Variants in EPX observed in about 807,000 individuals in gnomAD.
EPX encodes eosinophil peroxidase.
EPX carries 60 observed loss-of-function variants against 73.0 expected under a neutral mutation model. That is an observed-to-expected ratio of 0.82 (90% confidence interval 0.67 to 1.02). EPX has a LOEUF of 1.02. Ranked by LOEUF, EPX falls within the 50% of genes least tolerant of loss-of-function variation. The probability of loss-of-function intolerance (pLI) is 0.00; values close to 1 mark genes in which losing one functional copy is unlikely to be tolerated. For missense variants in EPX, 950 were observed against 973.9 expected (o/e 0.98, Z 0.33); for synonymous variants, 347 against 389.2 (o/e 0.89, Z 1.28).
chr17:58,193,603 C>A, intron 3 of EPX, 57 bp downstream of exon 3: 4 of 1,588,910 alleles, frequency 2.5e-6, no homozygotes, highest in Non-Finnish European at 3.5e-6. Context: ...TAGAAGGAAT[C>A]CAGGAGAGGG....
chr17:58,202,296 C>A (rs34209988), intron 10 of EPX: 2 of 152,448 alleles, frequency 1.3e-5, no homozygotes, highest in East Asian at 1.9e-4. Context: ...ATTGTCACAT[C>A]TTATGATGTG....
At position 58,196,935 on chromosome 17, in the gene EPX, T is replaced by C; in HGVS notation, c.802-4T>C. On this transcript the variant is annotated splice_region_variant and splice_polypyrimidine_tract_variant and intron_variant, in intron 6 of 12. Transcript: ENST00000225371. ...CCATGTCACTGTCTCCTCTTCCATCTCAGATCCCACCCAATGACCCCCGCA... is the reference window on the plus strand; with the variant it reads ...CCATGTCACTGTCTCCTCTTCCATCCCAGATCCCACCCAATGACCCCCGCA... 6.2e-7 allele frequency: 1 copy of C among 1,613,172 alleles called. No individual in the cohort carries two copies. Among genetic ancestry groups the C allele is most frequent in the Non-Finnish European group, 8.5e-7 (1 of 1,179,808 alleles).
In EPX at chr17:58,195,071, C is replaced by A; in HGVS notation, c.702C>A (p.Asp234Glu). 6.8e-6 allele frequency: 11 copies of A among 1,613,574 alleles called. No homozygotes were observed. Among genetic ancestry groups the A allele is most frequent in the Non-Finnish European group, 9.3e-6 (11 of 1,179,442 alleles). Residue 234 changes from aspartate to glutamate, a missense_variant, in exon 6 of 13, where the codon GAC becomes GAA. Coordinates refer to ENST00000225371, the MANE Select transcript of EPX (RefSeq NM_000502.6). ...AGTGGGGCCAGTTCATTGACCATGACCTGGACTTCTCCCCGGAGTCCCCGG... is the reference window on the plus strand; with the variant it reads ...AGTGGGGCCAGTTCATTGACCATGAACTGGACTTCTCCCCGGAGTCCCCGG... The part of the protein sequence containing the change: ...FMQWGQFIDH[D>E]LDFSPESPAR...
chr17:58,199,315 G>C, intron 8 of EPX, 115 bp downstream of exon 8: 1 of 1,229,288 alleles, frequency 8.1e-7, no homozygotes, highest in South Asian at 1.3e-5. Flanking sequence ...AACTGGCGGA[G>C]CACCTGGACC....
At chr17:58,204,683 A>G in intron 12 of EPX, 53 bp from the exon 13 acceptor site, 2 of 518,400 alleles carry the variant, frequency 3.9e-6, no homozygotes, top group South Asian at 4.5e-5. Flanking sequence ...AAACAGCTCC[A>G]TTTCTAAACA....
At position 58,203,256 on chromosome 17, in the gene EPX, A is replaced by G; in HGVS notation, c.1884A>G (p.Arg628=). 2 of 1,614,172 alleles carry G rather than the reference A, an allele frequency of 1.2e-6. No individual in the cohort carries two copies. The highest frequency in any genetic ancestry group is 1.7e-6 in the Non-Finnish European group (2 of 1,180,024). ...CTGAGCCTCTTTTGCCGGGGGCTCGAGTGGGGCCTCTTCTGGCTTGTCTGT... is the reference window on the plus strand; with the variant it reads ...CTGAGCCTCTTTTGCCGGGGGCTCGGGTGGGGCCTCTTCTGGCTTGTCTGT... ...AIAEPLLPGA[R]VGPLLACLFE... is the part of the protein sequence containing the mutation. Residue 628 remains arginine (R), a synonymous_variant, in exon 11 of 13, where the codon CGA becomes CGG. Coordinates refer to ENST00000225371, the MANE Select transcript of EPX (RefSeq NM_000502.6).
rs747951509 is a variant in EPX, at chr17:58,199,076, C to T, written c.1157C>T (p.Ala386Val). Residue 386 changes from alanine to valine, a missense_variant, in exon 8 of 13, where the codon GCC becomes GTC. Transcript: ENST00000225371. ...TCAACGGAAACCCCCAAACTGGCAG[C>T]CATGCACACCCTCTTTATGCGAGAG... ...TRSTETPKLA[A>V]MHTLFMREHN... is the part of the protein sequence containing the mutation. 1 of 1,614,086 alleles carries T rather than the reference C, an allele frequency of 6.2e-7. No individual in the cohort carries two copies. Among genetic ancestry groups the T allele is most frequent in the Non-Finnish European group, 8.5e-7 (1 of 1,180,000 alleles).
In EPX at chr17:58,197,245, T is replaced by G; in HGVS notation, c.1108T>G (p.Cys370Gly). The G allele has an allele frequency of 6.2e-7, 1 of 1,611,992 alleles. No individual in the cohort carries two copies. The highest frequency in any genetic ancestry group is 8.5e-7 in the Non-Finnish European group (1 of 1,180,026). ...CACCAACCGCTCGGCGCGCATCCCC[T>G]GCTTCCTGGCAGGTCAGACAGGGAG... ...LLTNRSARIP[C>G]FLAGDTRSTE... Residue 370 changes from cysteine (C) to glycine (G), a missense_variant, in exon 7 of 13, where the codon TGC becomes GGC. By Grantham distance (159) the Cys-to-Gly change is radical. Coordinates refer to ENST00000225371, the MANE Select transcript of EPX (RefSeq NM_000502.6).
rs568416110 is a variant in EPX, at chr17:58,203,442, C to T, written c.1946+124C>T. ...ATCATTTCTTCCAAGTTCACAGGAT[C>T]TGAAATCAGGAGGCTCCTCTCTGAA... On this transcript the variant is annotated intron_variant, in intron 11 of 12. Transcript: ENST00000225371. 3 of 798,208 alleles carry T rather than the reference C, an allele frequency of 3.8e-6. No homozygotes were observed. In the South Asian group the frequency reaches 4.2e-5, roughly 11 times the overall value. 49.4% of individuals were successfully genotyped at this position (798,208 alleles called of 1,614,324 possible). A position where few individuals can be genotyped will look rare whatever the true frequency, so the allele number is the denominator to read the frequency against.
At position 58,195,097 on chromosome 17, in the gene EPX, C is replaced by A. The variant is rs779165615; in HGVS notation, c.728C>A (p.Ala243Asp). The change falls in exon 6 of 13, where the codon GCC becomes GAC. Residue 243 changes from alanine to aspartate, a missense_variant. Coordinates refer to ENST00000225371, the MANE Select transcript of EPX (RefSeq NM_000502.6). ...CTGGACTTCTCCCCGGAGTCCCCGGCCAGAGTGGCCTTCACTGCAGGCGTT... is the reference window on the plus strand; with the variant it reads ...CTGGACTTCTCCCCGGAGTCCCCGGACAGAGTGGCCTTCACTGCAGGCGTT... ...HDLDFSPESPARVAFTAGVDC... is the reference protein window; with the variant it reads ...HDLDFSPESPDRVAFTAGVDC... 1.2e-6 allele frequency: 2 copies of A among 1,614,156 alleles called. No homozygotes were observed. Among genetic ancestry groups the A allele is most frequent in the South Asian group, 2.2e-5 (2 of 91,084 alleles).
chr17:58,199,848 C>T, intron 9 of EPX, 54 bp downstream of exon 9: 1 of 1,583,292 alleles, frequency 6.3e-7, no homozygotes, highest in East Asian at 2.2e-5. Flanking sequence ...GCATGCCCTC[C>T]CCTAGGTGGG....
At chr17:58,198,967 C>G in intron 7 of EPX, 73 bp from the exon 8 acceptor site, 1 of 1,533,610 alleles carries the variant, frequency 6.5e-7, no homozygotes, top group Non-Finnish European at 9.0e-7. Context: ...CCATCCCCAG[C>G]CCTGGGTCTA....
At chr17:58,203,824 T>G (rs1025106732) in intron 11 of EPX, among the ~76,000 whole-genome samples, 1 of 147,254 alleles carries the variant, frequency 6.8e-6, no homozygotes, top group Admixed American at 6.8e-5. Context: ...CCCGGCTACT[T>G]GGGAGGCTGA....
Position 58,203,067 on chromosome 17 carries a change from C to T in EPX, c.1709-14C>T, listed in dbSNP as rs553802170. 38 of 1,594,452 alleles carry T rather than the reference C, an allele frequency of 2.4e-5. No homozygotes were observed. In the South Asian group the frequency reaches 4.1e-4, roughly 17 times the overall value. On this transcript the variant is annotated splice_polypyrimidine_tract_variant and intron_variant, in intron 10 of 12. Coordinates refer to ENST00000225371, the MANE Select transcript of EPX (RefSeq NM_000502.6). ...TCAGCAAGACTGAAGCTGCTTCTCCCCGTTCCCCTGCAGGGTACAATGCTT... is the reference window on the plus strand; with the variant it reads ...TCAGCAAGACTGAAGCTGCTTCTCCTCGTTCCCCTGCAGGGTACAATGCTT...
intron 9 of EPX, 108 bp downstream of exon 9, chr17:58,199,902 C>T: frequency 1.7e-6 from 2 of 1,193,304 alleles, no homozygotes; most frequent in Non-Finnish European, 2.4e-6. Flanking sequence ...GAGGCCACTG[C>T]TAATATCTCC....
chr17:58,195,692 A>T (rs1229786347), intron 6 of EPX, among the ~76,000 whole-genome samples: 1 of 147,978 alleles, frequency 6.8e-6, no homozygotes, highest in Non-Finnish European at 1.5e-5. Flanking sequence ...GCACACACAC[A>T]CTCTCTCACA....
rs556938364 is a variant in EPX, at chr17:58,198,024, T to C, written c.1120+767T>C. Among the ~76,000 whole-genome samples, 9 of 152,040 alleles carry C rather than the reference T, an allele frequency of 5.9e-5. No individual in the cohort carries two copies. In the South Asian group the frequency reaches 1.5e-3, roughly 25 times the overall value. On this transcript the variant is annotated intron_variant, in intron 7 of 12. Coordinates refer to ENST00000225371, the MANE Select transcript of EPX (RefSeq NM_000502.6). ...CTAATTTTTGTATATTTAGTGGAGA[T>C]AGAGTTTCACCATGTTGGCCAGGCT...
Position 58,197,058 on chromosome 17 carries a change from C to A in EPX, c.921C>A (p.Ser307=). 1.9e-6 allele frequency: 3 copies of A among 1,614,238 alleles called. No homozygotes were observed. Among genetic ancestry groups the A allele is most frequent in the Non-Finnish European group, 2.5e-6 (3 of 1,180,044 alleles). The change falls in exon 7 of 13, where the codon TCC becomes TCA. Residue 307 remains serine (S), a synonymous_variant. Coordinates refer to ENST00000225371, the MANE Select transcript of EPX (RefSeq NM_000502.6). ...RVRNQINALT[S]FVDASMVYGS... is the part of the protein sequence containing the mutation. ...GCAACCAGATCAACGCGCTCACCTC[C>A]TTTGTGGACGCCAGCATGGTGTATG...
rs567541575 is a variant in EPX, at chr17:58,204,312, C to T, written c.2037C>T (p.Thr679=). The T allele has an allele frequency of 6.0e-5, 97 of 1,613,398 alleles. 1 individual carries two copies. Among genetic ancestry groups the T allele is most frequent in the Middle Eastern group, 3.3e-4 (2 of 6,060 alleles). The part of the protein sequence containing the change: ...ISLSRIICDN[T]GITTVSRDIF... ...TGTCTCGAATTATATGTGACAATAC[C>T]GGTATCACCACGGTTTCAAGGGACA... The change falls in exon 12 of 13, where the codon ACC becomes ACT. Residue 679 remains threonine (T), a synonymous_variant. Transcript: ENST00000225371.
Sources: gnomAD v4.1 joint callset for allele counts (sites outside exome capture counted in the v4.1 genomes callset) on GRCh38, gnomAD v4.1.1 for gene constraint, MANE v1.5 for transcripts, NCBI Gene and HGNC (gene_info 2026-07-23, HGNC 2026-07-21) for gene names.